NTM: variants seen among roughly 807,000 people sequenced by gnomAD.
NTM encodes IgLON family member 2.
A neutral mutation model predicts 42.1 loss-of-function variants in NTM; 13 were observed. The ratio of observed to expected loss-of-function variants is 0.31; its 90% CI spans 0.20 to 0.49. The LOEUF (loss-of-function observed/expected upper bound fraction) is 0.49. Ranked by LOEUF, NTM falls within the 20% of genes least tolerant of loss-of-function variation. The pLI is 0.99. For synonymous variants in NTM, 187 were observed against 179.2 expected, an observed-to-expected ratio of 1.04 and a Z score of -0.35; for missense variants, 373 against 452.8, an observed-to-expected ratio of 0.82 and a Z score of 1.60.
chr11:132,245,030 T>C (rs2090881164), intron 4 of NTM, among the ~76,000 whole-genome samples: 1 of 152,236 alleles, frequency 6.6e-6, no homozygotes, highest in Admixed American at 6.5e-5. Flanking sequence ...TCATTTCCAG[T>C]TGAATGTGCG....
At chr11:132,179,177 A>G (rs148973505) in intron 3 of NTM, among the ~76,000 whole-genome samples, 1 of 152,224 alleles carries the variant, frequency 6.6e-6, no homozygotes, top group Non-Finnish European at 1.5e-5. Context: ...GAAACAAAAA[A>G]GAGGATCAAA....
chr11:132,262,551 G>T (rs981355500), intron 4 of NTM, among the ~76,000 whole-genome samples: 2 of 152,152 alleles, frequency 1.3e-5, no homozygotes, highest in Admixed American at 6.5e-5. Context: ...ACATGGCAGG[G>T]GGAGAGAGAG....
chr11:131,483,854 G>A (rs972764397), intron 1 of NTM, among the ~76,000 whole-genome samples: 2 of 152,236 alleles, frequency 1.3e-5, no homozygotes, highest in Non-Finnish European at 2.9e-5. Context: ...GTAGAGGCAG[G>A]ACAAGGAAGA....
At chr11:131,926,597 TGTAA>T (rs1246218419) in intron 2 of NTM, among the ~76,000 whole-genome samples, 1 of 152,138 alleles carries the variant, frequency 6.6e-6, no homozygotes, top group African/African-American at 2.4e-5. Context: ...CCTCGGTGTC[TGTAA>T]GTGCTCTTTC....
chr11:131,574,514 C>G (rs968518821), intron 1 of NTM, among the ~76,000 whole-genome samples: 1 of 152,084 alleles, frequency 6.6e-6, no homozygotes, highest in South Asian at 2.1e-4. Context: ...CACTGGGCTA[C>G]ACTGACACAC....
intron 1 of NTM, among the ~76,000 whole-genome samples, chr11:131,474,166 A>G (rs1342663933): frequency 6.6e-6 from 1 of 152,152 alleles, no homozygotes; most frequent in African/African-American, 2.4e-5. Context: ...CTGTCCAGCA[A>G]AAACTACAAA....
In NTM at chr11:131,500,832, T is replaced by A. The variant is rs188264984; in HGVS notation, c.82+129944T>A. 5.8e-4 allele frequency among the ~76,000 whole-genome samples: 85 copies of A among 146,956 alleles called. No homozygotes were observed. In the East Asian group the frequency reaches 0.014, roughly 24 times the overall value. On this transcript the variant is annotated intron_variant, in intron 1 of 8. Coordinates refer to ENST00000683400, the MANE Select transcript of NTM (RefSeq NM_001352005.2). ...TCCCACCTATGAGTGAGTGAGAACA[T>A]GCGGTGTTTGGTTTTTTGTCCTTGT...
intron 1 of NTM, among the ~76,000 whole-genome samples, chr11:131,830,015 A>G (rs925268248): frequency 3.3e-5 from 5 of 152,082 alleles, no homozygotes; most frequent in African/African-American, 7.2e-5. Context: ...GCTTTTGCCC[A>G]TTTTTAAATG....
chr11:132,094,434 C>A (rs2136450340), intron 2 of NTM, among the ~76,000 whole-genome samples: 1 of 152,254 alleles, frequency 6.6e-6, no homozygotes. Flanking sequence ...TCCATGGGTG[C>A]AGCACTTCCT....
intron 4 of NTM, among the ~76,000 whole-genome samples, chr11:132,270,859 A>G (rs1326726939): frequency 6.6e-6 from 1 of 152,178 alleles, no homozygotes; most frequent in Non-Finnish European, 1.5e-5. Context: ...TTAAAAGGTA[A>G]TACATGAAAA....
chr11:131,827,270 A>T (rs1306510404), intron 1 of NTM, among the ~76,000 whole-genome samples: 2 of 152,224 alleles, frequency 1.3e-5, no homozygotes, highest in Non-Finnish European at 2.9e-5. Context: ...AGAGCCATAC[A>T]TATACAGATA....
chr11:131,953,796 A>C (rs1250403155), intron 2 of NTM, among the ~76,000 whole-genome samples: 2 of 152,198 alleles, frequency 1.3e-5, no homozygotes, highest in Non-Finnish European at 2.9e-5. Flanking sequence ...AAAAGAGTTT[A>C]AGAAATGAAG....
intron 2 of NTM, among the ~76,000 whole-genome samples, chr11:132,012,162 G>A (rs2072348926): frequency 6.6e-6 from 1 of 152,146 alleles, no homozygotes; most frequent in South Asian, 2.1e-4. Context: ...TAGGGTCGGG[G>A]AAGAAAGGAA....
At chr11:131,466,965 G>A (rs1951958795) in intron 1 of NTM, among the ~76,000 whole-genome samples, 1 of 152,198 alleles carries the variant, frequency 6.6e-6, no homozygotes, top group African/African-American at 2.4e-5. Context: ...ACACACACGT[G>A]TGCACACATG....
intron 2 of NTM, among the ~76,000 whole-genome samples, chr11:131,940,975 G>A (rs1441221266): frequency 1.3e-5 from 2 of 152,324 alleles, no homozygotes; most frequent in African/African-American, 2.4e-5. Flanking sequence ...CTGCATGAAA[G>A]GTTTCCTCTT....
At chr11:131,545,026 C>T (rs946948207) in intron 1 of NTM, among the ~76,000 whole-genome samples, 4 of 152,146 alleles carry the variant, frequency 2.6e-5, no homozygotes, top group South Asian at 2.1e-4. Context: ...ATTTAGCCCA[C>T]GGGGCTGCAA....
chr11:131,403,563 G>C (rs184546282), intron 1 of NTM, among the ~76,000 whole-genome samples: 1 of 152,312 alleles, frequency 6.6e-6, no homozygotes, highest in East Asian at 1.9e-4. Flanking sequence ...AATGTGGTCT[G>C]TGTCATTTTA....
At chr11:132,317,454 G>GGAAACAT (rs1199462750) in intron 7 of NTM, among the ~76,000 whole-genome samples, 1 of 152,076 alleles carries the variant, frequency 6.6e-6, no homozygotes, top group Non-Finnish European at 1.5e-5. Context: ...CATTCAATAT[G>GGAAACAT]GAAACATAAA....
chr11:132,310,859 C>T (rs1002013582), intron 6 of NTM, among the ~76,000 whole-genome samples: 4 of 152,138 alleles, frequency 2.6e-5, no homozygotes, highest in African/African-American at 9.7e-5. Context: ...TATCAAATGA[C>T]ATATCAGTGC....
Sources: allele counts gnomAD v4.1 joint callset (sites outside exome capture counted in the v4.1 genomes callset), GRCh38; gene constraint gnomAD v4.1.1; transcripts MANE v1.5; gene names NCBI Gene and HGNC (gene_info 2026-07-23, HGNC 2026-07-21).